Variants in MAGI1 observed in about 807,000 individuals in gnomAD.
MAGI1 encodes membrane associated guanylate kinase, WW and PDZ domain containing 1.
In MAGI1, 58 loss-of-function variants were observed where a neutral mutation model predicts 139.9. The observed-to-expected ratio is 0.41, with a 90% CI of 0.34 to 0.52. MAGI1 has a LOEUF of 0.52. Ranked by LOEUF, MAGI1 falls within the 20% of genes least tolerant of loss-of-function variation. The probability of loss-of-function intolerance (pLI) is 0.12; values close to 1 mark genes in which losing one functional copy is unlikely to be tolerated. For synonymous variants in MAGI1, 812 were observed against 737.9 expected, an observed-to-expected ratio of 1.10 and a Z score of -1.63; for missense variants, 1,874 against 1,901.6, an observed-to-expected ratio of 0.99 and a Z score of 0.27.
At chr3:65,737,042 G>T (rs1423630120) in intron 1 of MAGI1, among the ~76,000 whole-genome samples, 2 of 149,778 alleles carry the variant, frequency 1.3e-5, no homozygotes, top group African/African-American at 4.9e-5. Flanking sequence ...GTCTCGCTCT[G>T]TCCCTAGGCT....
At chr3:65,743,159 G>T (rs2035419816) in intron 1 of MAGI1, among the ~76,000 whole-genome samples, 1 of 152,118 alleles carries the variant, frequency 6.6e-6, no homozygotes, top group Non-Finnish European at 1.5e-5. Context: ...GAGATCACTT[G>T]TTAAAATAAA....
At chr3:65,893,247 C>A (rs2060837161) in intron 1 of MAGI1, among the ~76,000 whole-genome samples, 1 of 151,846 alleles carries the variant, frequency 6.6e-6, no homozygotes, top group Non-Finnish European at 1.5e-5. Flanking sequence ...CCAAGCAAAG[C>A]CAAAGGTTCC....
intron 1 of MAGI1, among the ~76,000 whole-genome samples, chr3:65,708,161 G>A (rs1283454085): frequency 6.6e-6 from 1 of 152,184 alleles, no homozygotes; most frequent in Non-Finnish European, 1.5e-5. Flanking sequence ...TCTTACCTGA[G>A]GTTCAAGACA....
At chr3:65,369,346 A>C (rs1941751966) in intron 18 of MAGI1, among the ~76,000 whole-genome samples, 2 of 152,150 alleles carry the variant, frequency 1.3e-5, no homozygotes. Flanking sequence ...AGATGAGTGA[A>C]ACTGCAGAAA....
chr3:65,581,683 A>G (rs1456876300), intron 2 of MAGI1, among the ~76,000 whole-genome samples: 1 of 152,170 alleles, frequency 6.6e-6, no homozygotes, highest in East Asian at 1.9e-4. Context: ...ATTCCTAATT[A>G]AGCCCTACTG....
chr3:65,475,425 G>C (rs1259061863), intron 4 of MAGI1, among the ~76,000 whole-genome samples: 1 of 152,072 alleles, frequency 6.6e-6, no homozygotes, highest in Non-Finnish European at 1.5e-5. Context: ...TGTTGGCCAG[G>C]CTGGTCTTGA....
intron 1 of MAGI1, among the ~76,000 whole-genome samples, chr3:65,982,946 C>T (rs1446278187): frequency 6.6e-6 from 1 of 152,074 alleles, no homozygotes; most frequent in East Asian, 1.9e-4. Context: ...TAAAGACAGG[C>T]TCTCCCTCCG....
intron 5 of MAGI1, among the ~76,000 whole-genome samples, chr3:65,454,555 TAAA>T (rs1206097405): frequency 0.033 from 4,509 of 135,598 alleles, 245 homozygotes; most frequent in African/African-American, 0.12. Context: ...ATAATAATAA[TAAA>T]AAAATACTTG....
chr3:65,602,908 G>A (rs1486590139), intron 2 of MAGI1, among the ~76,000 whole-genome samples: 1 of 151,766 alleles, frequency 6.6e-6, no homozygotes, highest in Non-Finnish European at 1.5e-5. Flanking sequence ...AAAAAAGGAG[G>A]CAATACAAAT....
intron 1 of MAGI1, among the ~76,000 whole-genome samples, chr3:65,984,512 ATGTGTGTGTGTGTGTG>A (rs34046056): frequency 6.4e-5 from 9 of 140,390 alleles, no homozygotes; most frequent in South Asian, 2.4e-4. Context: ...TCAAAATAAA[ATGTGTGTGTGTGTGTG>A]TGTGTGTGTG....
rs149234512 is a variant in MAGI1 at position 66,006,841 on chromosome 3, G to GT, written c.313+31154dup. On this transcript the variant is annotated intron_variant, in intron 1 of 22. Transcript: ENST00000402939. ...GTTTTGTTTTGTTTTGTTTTGTTTT[G>GT]TTTATTAGAGATGCAGTATCACTCT... 1.9e-3 allele frequency among the ~76,000 whole-genome samples: 277 copies of GT among 148,420 alleles called. 1 individual carries two copies. The highest frequency in any genetic ancestry group is 6.8e-3 in the Middle Eastern group (2 of 294).
intron 1 of MAGI1, among the ~76,000 whole-genome samples, chr3:65,933,417 C>T (rs746022553): frequency 5.9e-5 from 9 of 152,282 alleles, no homozygotes; most frequent in African/African-American, 1.9e-4. Flanking sequence ...TTCCATGCTA[C>T]GTGGACCTTT....
chr3:65,473,261 A>C (rs55740341), intron 4 of MAGI1, among the ~76,000 whole-genome samples: 6 of 151,984 alleles, frequency 3.9e-5, no homozygotes, highest in Admixed American at 2.6e-4. Context: ...TATAACATCA[A>C]ACCACAGATT....
At chr3:65,381,153 A>G (rs1318751245) in intron 16 of MAGI1, among the ~76,000 whole-genome samples, 1 of 152,172 alleles carries the variant, frequency 6.6e-6, no homozygotes, top group Non-Finnish European at 1.5e-5. Flanking sequence ...CTTTCAAGGG[A>G]AAGGACAAAC....
intron 1 of MAGI1, among the ~76,000 whole-genome samples, chr3:65,655,563 T>C (rs769970512): frequency 1.3e-5 from 2 of 152,202 alleles, no homozygotes; most frequent in African/African-American, 2.4e-5. Flanking sequence ...AGGAGAATTT[T>C]TGAGTTGTCA....
chr3:65,441,108 G>A (rs1948294197), intron 8 of MAGI1, among the ~76,000 whole-genome samples: 1 of 151,860 alleles, frequency 6.6e-6, no homozygotes, highest in South Asian at 2.1e-4. Context: ...TTTCAAGCGT[G>A]CATCACCATA....
Position 65,468,435 on chromosome 3 carries a change from G to A in MAGI1, c.959+1848C>T, listed in dbSNP as rs148987806. ...GCTCTGTTACCCAAGCTGTGCAGTG[G>A]TGCAATCTCGGCTCACTGCAACCTC... is the stretch of plus-strand genomic sequence containing the variant. On this transcript the variant is annotated intron_variant, in intron 5 of 22. Coordinates refer to ENST00000402939, the MANE Select transcript of MAGI1 (RefSeq NM_001033057.2). 4.0e-3 allele frequency among the ~76,000 whole-genome samples: 519 copies of A among 130,000 alleles called. 2 individuals are homozygous for A. Among genetic ancestry groups the A allele is most frequent in the Non-Finnish European group, 6.4e-3 (416 of 65,174 alleles). The allele number at this position is 130,000 out of a possible 152,430, so 85.3% of individuals were successfully genotyped here. A position where few individuals can be genotyped will look rare whatever the true frequency, so the allele number is the denominator to read the frequency against.
At chr3:65,784,115 T>G (rs1394504376) in intron 1 of MAGI1, among the ~76,000 whole-genome samples, 1 of 142,584 alleles carries the variant, frequency 7.0e-6, no homozygotes, top group African/African-American at 2.5e-5. Flanking sequence ...AGAGTGAGAC[T>G]CCATCTCAAA....
intron 1 of MAGI1, among the ~76,000 whole-genome samples, chr3:65,789,908 T>G (rs1370211335): frequency 6.6e-6 from 1 of 152,200 alleles, no homozygotes; most frequent in Non-Finnish European, 1.5e-5. Flanking sequence ...AAGGAAGCAT[T>G]CTGCACACAA....
Sources: allele counts gnomAD v4.1 joint callset (sites outside exome capture counted in the v4.1 genomes callset), GRCh38; gene constraint gnomAD v4.1.1; transcripts MANE v1.5; gene names NCBI Gene and HGNC (gene_info 2026-07-23, HGNC 2026-07-21).